The following SLC4A4 variants were observed in gnomAD, a reference collection of about 807,000 sequenced individuals.
SLC4A4 encodes the protein solute carrier family 4 member 4, also known as electrogenic sodium bicarbonate cotransporter 1.
In SLC4A4, 27 loss-of-function variants were observed where a neutral mutation model predicts 111.5. The observed-to-expected ratio is 0.24, with a 90% CI of 0.18 to 0.33. The LOEUF (loss-of-function observed/expected upper bound fraction) is 0.33. Among genes scored for constraint, SLC4A4 ranks in the 10% least tolerant of loss-of-function variants. The pLI is 1.00. For synonymous variants in SLC4A4, 443 were observed against 463.4 expected (o/e 0.96, Z 0.57); for missense variants, 909 against 1,315.5 (o/e 0.69, Z 4.78).
intron 1 of SLC4A4, among the ~76,000 whole-genome samples, chr4:71,194,618 A>AACAC: frequency 6.6e-6 from 1 of 152,280 alleles, no homozygotes; most frequent in East Asian, 1.9e-4. Context: ...GCCTCCAAGT[A>AACAC]ACACACACGA....
intron 12 of SLC4A4, among the ~76,000 whole-genome samples, chr4:71,456,701 TAGAC>T (rs1486783154): frequency 2.0e-5 from 3 of 152,138 alleles, no homozygotes; most frequent in African/African-American, 7.2e-5. Flanking sequence ...ATGAGCAAAA[TAGAC>T]AGGAATTCCA....
At chr4:71,506,307 A>T (rs1731412483) in intron 16 of SLC4A4, among the ~76,000 whole-genome samples, 1 of 152,076 alleles carries the variant, frequency 6.6e-6, no homozygotes, top group African/African-American at 2.4e-5. Flanking sequence ...TAACATATTG[A>T]TTCTTCCTAT....
At chr4:71,224,105 G>A (rs374331612) in intron 1 of SLC4A4, among the ~76,000 whole-genome samples, 173 of 152,164 alleles carry the variant, frequency 1.1e-3, no homozygotes, top group African/African-American at 4.0e-3. Context: ...ATTTCCCTCA[G>A]ATACTGGAGA....
intron 3 of SLC4A4, among the ~76,000 whole-genome samples, chr4:71,279,741 C>T (rs980719302): frequency 6.6e-6 from 1 of 152,098 alleles, no homozygotes; most frequent in Admixed American, 6.6e-5. Flanking sequence ...TTCCTATTAA[C>T]AGTGTATGAG....
At chr4:71,078,679 A>T (rs1741912696) in intron 1 of SLC4A4, among the ~76,000 whole-genome samples, 1 of 152,192 alleles carries the variant, frequency 6.6e-6, no homozygotes, top group Non-Finnish European at 1.5e-5. Context: ...TACTCATTCT[A>T]GCTCCCGTAG....
At chr4:71,428,066 G>A (rs1312984608) in intron 7 of SLC4A4, among the ~76,000 whole-genome samples, 1 of 152,096 alleles carries the variant, frequency 6.6e-6, no homozygotes, top group African/African-American at 2.4e-5. Context: ...CATCAAATTG[G>A]CCACATTCCC....
intron 7 of SLC4A4, among the ~76,000 whole-genome samples, chr4:71,439,289 A>G (rs1724457160): frequency 6.6e-6 from 1 of 151,496 alleles, no homozygotes; most frequent in South Asian, 2.1e-4. Context: ...TTACCCAGGC[A>G]TGGTGATGTG....
intron 16 of SLC4A4, among the ~76,000 whole-genome samples, chr4:71,516,080 CTTTTTTTTTTTTT>C (rs60338885): frequency 4.6e-4 from 14 of 30,616 alleles, no homozygotes; most frequent in East Asian, 2.4e-3. Flanking sequence ...TGGGGGATTT[CTTTTTTTTTTTTT>C]TTTTTTTTTT....
At chr4:71,111,319 G>A (rs376527552) in intron 2 of SLC4A4, among the ~76,000 whole-genome samples, 43 of 152,104 alleles carry the variant, frequency 2.8e-4, no homozygotes, top group African/African-American at 1.0e-3. Context: ...AGATGTAAGG[G>A]TATCAGATGA....
chr4:71,470,312 T>C (rs1003957692), intron 13 of SLC4A4, among the ~76,000 whole-genome samples: 21 of 152,034 alleles, frequency 1.4e-4, no homozygotes, highest in African/African-American at 4.8e-4. Flanking sequence ...ATAAAGTCTA[T>C]TGAAGATAAC....
At chr4:71,274,682 G>A (rs75569001) in intron 3 of SLC4A4, among the ~76,000 whole-genome samples, 8,993 of 152,186 alleles carry the variant, frequency 0.059, 348 homozygotes, top group South Asian at 0.14. Flanking sequence ...CACTCAAGAG[G>A]TGGAGTTCTA....
intron 6 of SLC4A4, among the ~76,000 whole-genome samples, chr4:71,373,942 A>C (rs1221707247): frequency 6.6e-6 from 1 of 152,296 alleles, no homozygotes; most frequent in African/African-American, 2.4e-5. Flanking sequence ...ATTCATGGGC[A>C]CAGGTGCTGG....
At chr4:71,087,755 C>A (rs149780791) in intron 1 of SLC4A4, among the ~76,000 whole-genome samples, 2 of 152,078 alleles carry the variant, frequency 1.3e-5, no homozygotes, top group African/African-American at 4.8e-5. Flanking sequence ...TTCGATTGCA[C>A]TGTGGTCTGA....
chr4:71,147,411 A>T (rs915881716), intron 2 of SLC4A4, among the ~76,000 whole-genome samples: 2 of 151,966 alleles, frequency 1.3e-5, no homozygotes, highest in Non-Finnish European at 2.9e-5. Context: ...CATGATGGTC[A>T]GTGAGTAATA....
At chr4:71,146,641 G>T (rs1426926031) in intron 2 of SLC4A4, among the ~76,000 whole-genome samples, 2 of 152,078 alleles carry the variant, frequency 1.3e-5, no homozygotes, top group Non-Finnish European at 2.9e-5. Context: ...CCTGTATTGG[G>T]TGCATATATA....
chr4:71,541,741 G>C (rs1328277549), intron 18 of SLC4A4, among the ~76,000 whole-genome samples: 1 of 151,212 alleles, frequency 6.6e-6, no homozygotes, highest in Non-Finnish European at 1.5e-5. Context: ...TGGGTGGGGG[G>C]AGCTGAGTGG....
chr4:71,421,002 A>C (rs1252401610), intron 7 of SLC4A4, among the ~76,000 whole-genome samples: 1 of 148,442 alleles, frequency 6.7e-6, no homozygotes, highest in East Asian at 2.0e-4. Flanking sequence ...CTTTAAATGT[A>C]AATGGACTAA....
Position 71,236,448 on chromosome 4 carries a change from G to T in SLC4A4, c.-1-128G>T, listed in dbSNP as rs557628967. Reference sequence around the variant, plus strand: ...CGTGAAGCAGTAGCAGACACCAGAAGAAGAGTGACTCTGCCCTGCTAACAT... The same window carrying T: ...CGTGAAGCAGTAGCAGACACCAGAATAAGAGTGACTCTGCCCTGCTAACAT... On this transcript the variant is annotated intron_variant, in intron 1 of 25. Transcript: ENST00000264485. 6 of 858,806 alleles carry T rather than the reference G, an allele frequency of 7.0e-6. No individual in the cohort carries two copies. In the South Asian group the frequency reaches 7.4e-5, roughly 11 times the overall value. 53.2% of individuals were successfully genotyped at this position (858,806 alleles called of 1,614,324 possible).
chr4:71,501,699 T>A (rs1286796453), intron 16 of SLC4A4, among the ~76,000 whole-genome samples: 2 of 152,112 alleles, frequency 1.3e-5, no homozygotes, highest in African/African-American at 4.8e-5. Context: ...TCCCTCTCTG[T>A]CACCCAGGCT....
Sources: allele counts gnomAD v4.1 joint callset (sites outside exome capture counted in the v4.1 genomes callset), GRCh38; gene constraint gnomAD v4.1.1; transcripts MANE v1.5; gene names NCBI Gene and HGNC (gene_info 2026-07-23, HGNC 2026-07-21).